The following OOSP4A variants were observed in gnomAD, a reference collection of about 807,000 sequenced individuals.
The protein encoded by OOSP4A is oocyte-secreted protein 4A.
chr11:59,965,435 G>A (rs1435745139), intron 1 of OOSP4A, 100 bp from the exon 2 acceptor site: 1 of 397,096 alleles, frequency 2.5e-6, no homozygotes, highest in Non-Finnish European at 4.4e-6. Flanking sequence ...TCACTCTACA[G>A]TTGGGGATTC....
chr11:59,965,513 T>A (rs1854090085), intron 1 of OOSP4A, 22 bp from the exon 2 acceptor site: 1 of 398,264 alleles, frequency 2.5e-6, no homozygotes, highest in East Asian at 3.6e-5. Flanking sequence ...ATGTTTTCCC[T>A]TTTTAAATTT....
At chr11:59,970,285 G>A (rs983477223), downstream of OOSP4A, 1 of 388,172 alleles carries the variant, frequency 2.6e-6, no homozygotes, top group African/African-American at 2.1e-5. Flanking sequence ...CGTTGGGGTA[G>A]GGAGAAAAGC....
At chr11:59,965,208 TA>T (rs1477256334) in intron 1 of OOSP4A, among the ~76,000 whole-genome samples, 1 of 150,926 alleles carries the variant, frequency 6.6e-6, no homozygotes, top group African/African-American at 2.4e-5. Flanking sequence ...AATGACGAGT[TA>T]ATGGGTGCAG....
chr11:59,968,933 T>C (rs1309643050), intron 3 of OOSP4A, among the ~76,000 whole-genome samples: 5 of 152,198 alleles, frequency 3.3e-5, no homozygotes, highest in East Asian at 3.8e-4. Context: ...ATAGTACATT[T>C]TGGGATAATG....
At chr11:59,969,266 G>A (rs909591732) in exon 4 of OOSP4A, 54 of 398,584 alleles carry the variant, frequency 1.4e-4, no homozygotes, top group East Asian at 3.6e-4. Context: ...TTGGAAATCC[G>A]TCCAAGAGTG....
At chr11:59,966,678 G>A (rs1417380489) in intron 2 of OOSP4A, among the ~76,000 whole-genome samples, 1 of 152,116 alleles carries the variant, frequency 6.6e-6, no homozygotes, top group East Asian at 1.9e-4. Flanking sequence ...GTTTCACCTT[G>A]TTGGTCAGGA....
At chr11:59,968,040 A>G (rs1854119028) in intron 3 of OOSP4A, among the ~76,000 whole-genome samples, 1 of 152,284 alleles carries the variant, frequency 6.6e-6, no homozygotes, top group East Asian at 1.9e-4. Context: ...CCTATCTCCA[A>G]TGTTATATCA....
chr11:59,967,889 C>G (rs1240351316), intron 3 of OOSP4A, among the ~76,000 whole-genome samples: 1 of 152,090 alleles, frequency 6.6e-6, no homozygotes, highest in Non-Finnish European at 1.5e-5. Flanking sequence ...TGAAGGTTGT[C>G]TCTGTGTCTC....
intron 2 of OOSP4A, 137 bp from the exon 3 acceptor site, chr11:59,966,930 C>T (rs1232465800): frequency 2.7e-6 from 1 of 367,932 alleles, no homozygotes; most frequent in African/African-American, 2.1e-5. Flanking sequence ...GTAGACCGTG[C>T]ACTCATACCT....
At chr11:59,966,278 A>C (rs1854098278) in intron 2 of OOSP4A, among the ~76,000 whole-genome samples, 1 of 150,900 alleles carries the variant, frequency 6.6e-6, no homozygotes, top group Non-Finnish European at 1.5e-5. Context: ...AGGTGAACTG[A>C]TTCTATTTTT....
exon 2 of OOSP4A, chr11:59,965,606 C>T: frequency 2.5e-6 from 1 of 398,534 alleles, no homozygotes. Context: ...TGACCTGCAA[C>T]CTTTGCAAAA....
intron 1 of OOSP4A, among the ~76,000 whole-genome samples, chr11:59,965,126 C>T (rs1395527668): frequency 1.6e-5 from 2 of 127,486 alleles, no homozygotes; most frequent in African/African-American, 6.2e-5. Flanking sequence ...GAACATCACA[C>T]ACCGGGGCCT....
intron 2 of OOSP4A, among the ~76,000 whole-genome samples, chr11:59,966,852 A>G (rs1854104316): frequency 6.6e-6 from 1 of 152,176 alleles, no homozygotes; most frequent in Non-Finnish European, 1.5e-5. Flanking sequence ...TGTCCCTGCT[A>G]CTATGGCAGG....
At chr11:59,970,151 T>G (rs1018221120), downstream of OOSP4A, 7 of 397,814 alleles carry the variant, frequency 1.8e-5, no homozygotes, top group Admixed American at 2.2e-4. Flanking sequence ...CACCTGGTAC[T>G]CTGGCTGCTT....
intron 1 of OOSP4A, 99 bp from the exon 2 acceptor site, chr11:59,965,436 T>G: frequency 2.5e-6 from 1 of 397,118 alleles, no homozygotes; most frequent in East Asian, 3.6e-5. Context: ...CACTCTACAG[T>G]TGGGGATTCA....
intron 2 of OOSP4A, among the ~76,000 whole-genome samples, chr11:59,966,723 C>T (rs764535233): frequency 6.6e-6 from 1 of 152,112 alleles, no homozygotes; most frequent in Non-Finnish European, 1.5e-5. Context: ...ATCTGCCCAC[C>T]TCTGCCTTCC....
intron 3 of OOSP4A, 120 bp from the exon 4 acceptor site, chr11:59,969,030 C>T (rs905352866): frequency 2.5e-6 from 1 of 394,202 alleles, no homozygotes; most frequent in Non-Finnish European, 4.5e-6. Context: ...GCTGATTTGG[C>T]ATTCTCTCAC....
rs144718366 is a variant in OOSP4A at position 59,966,654 on chromosome 11, T to G, written c.247-413T>G. ...CCACACCTAACTAATTTTTGTATTT[T>G]TAGTAGAGATGGGGTTTCACCTTGT... On this transcript the variant is annotated intron_variant, in intron 2 of 4. Transcript: ENST00000645590. Among the ~76,000 whole-genome samples the G allele has an allele frequency of 1.6e-3, 240 of 152,290 alleles. 3 individuals are homozygous for G. The highest frequency in any genetic ancestry group is 5.2e-3 in the African/African-American group (214 of 41,552).
intron 3 of OOSP4A, among the ~76,000 whole-genome samples, chr11:59,967,546 G>T (rs1393864915): frequency 6.6e-6 from 1 of 151,888 alleles, no homozygotes; most frequent in African/African-American, 2.4e-5. Context: ...GCAGATGTGG[G>T]GAGGAGCCAA....
Sources: gnomAD v4.1 joint callset for allele counts (sites outside exome capture counted in the v4.1 genomes callset) on GRCh38, gnomAD v4.1.1 for gene constraint, MANE v1.5 for transcripts, NCBI Gene and HGNC (gene_info 2026-07-23, HGNC 2026-07-21) for gene names.